The following GRIN2B variants were observed in gnomAD, a reference collection of about 807,000 sequenced individuals.
GRIN2B encodes the protein glutamate receptor ionotropic, NMDA 2B.
GRIN2B carries 5 observed loss-of-function variants against 114.5 expected under a neutral mutation model. The ratio of observed to expected loss-of-function variants is 0.04; its 90% CI spans 0.02 to 0.09. The LOEUF is 0.09. Among genes scored for constraint, GRIN2B ranks in the 10% least tolerant of loss-of-function variants. The pLI, the probability that GRIN2B is intolerant of heterozygous loss-of-function variation, is 1.00. For synonymous variants in GRIN2B, 787 were observed against 745.1 expected, an observed-to-expected ratio of 1.06 and a Z score of -0.92; for missense variants, 1,108 against 1,943.5, an observed-to-expected ratio of 0.57 and a Z score of 8.08.
At chr12:13,595,146 T>G (rs1949056398) in intron 10 of GRIN2B, among the ~76,000 whole-genome samples, 1 of 152,208 alleles carries the variant, frequency 6.6e-6, no homozygotes, top group African/African-American at 2.4e-5. Context: ...ACAACTGTGA[T>G]TACTGGAGAA....
intron 4 of GRIN2B, among the ~76,000 whole-genome samples, chr12:13,709,154 A>C (rs1341980703): frequency 6.6e-6 from 1 of 152,038 alleles, no homozygotes; most frequent in Non-Finnish European, 1.5e-5. Flanking sequence ...CTGAGAATAA[A>C]ATATCAACAG....
At chr12:13,704,596 C>T (rs536380001) in intron 4 of GRIN2B, among the ~76,000 whole-genome samples, 1 of 152,136 alleles carries the variant, frequency 6.6e-6, no homozygotes, top group East Asian at 1.9e-4. Context: ...TAATCTAGTG[C>T]CCCCCAAATC....
chr12:13,847,329 C>T (rs904582937), intron 3 of GRIN2B, among the ~76,000 whole-genome samples: 3 of 152,034 alleles, frequency 2.0e-5, no homozygotes, highest in Admixed American at 6.5e-5. Flanking sequence ...GAATCTCTGC[C>T]GTGGGATGGA....
At chr12:13,635,077 G>T (rs1949655899) in intron 5 of GRIN2B, among the ~76,000 whole-genome samples, 1 of 152,192 alleles carries the variant, frequency 6.6e-6, no homozygotes, top group South Asian at 2.1e-4. Context: ...TGCTGGCACT[G>T]CCCAGAGAGT....
At chr12:13,930,468 A>T (rs1248982535) in intron 2 of GRIN2B, among the ~76,000 whole-genome samples, 8 of 152,108 alleles carry the variant, frequency 5.3e-5, no homozygotes, top group Non-Finnish European at 1.0e-4. Flanking sequence ...ATCCAAATTC[A>T]CCCACGCAAC....
intron 2 of GRIN2B, among the ~76,000 whole-genome samples, chr12:13,899,149 T>G (rs1290709828): frequency 6.6e-6 from 1 of 152,158 alleles, no homozygotes; most frequent in Non-Finnish European, 1.5e-5. Flanking sequence ...AAATATATTA[T>G]GAAAGATTTG....
chr12:13,741,540 G>C (rs950666888), intron 4 of GRIN2B, among the ~76,000 whole-genome samples: 2 of 151,948 alleles, frequency 1.3e-5, no homozygotes, highest in African/African-American at 4.8e-5. Flanking sequence ...AGGGGGTTTG[G>C]GGTTTTTTGT....
chr12:13,740,410 G>C (rs74065265), intron 4 of GRIN2B, among the ~76,000 whole-genome samples: 2,364 of 152,130 alleles, frequency 0.016, 68 homozygotes, highest in African/African-American at 0.054. Context: ...GTCACTCAGT[G>C]AATTAAGAAT....
chr12:13,613,091 A>G (rs1015291930), intron 8 of GRIN2B, among the ~76,000 whole-genome samples: 1 of 152,216 alleles, frequency 6.6e-6, no homozygotes, highest in Non-Finnish European at 1.5e-5. Context: ...CAACTGTGAA[A>G]TGCAAAACCT....
At chr12:13,813,203 G>A (rs975063302) in intron 3 of GRIN2B, among the ~76,000 whole-genome samples, 13 of 152,018 alleles carry the variant, frequency 8.6e-5, no homozygotes, top group African/African-American at 3.1e-4. Context: ...CCAAAGTGCT[G>A]GGATTACAGG....
chr12:13,867,521 A>G (rs533201155), intron 2 of GRIN2B, among the ~76,000 whole-genome samples: 18 of 152,352 alleles, frequency 1.2e-4, no homozygotes, highest in African/African-American at 4.3e-4. Flanking sequence ...TCCATGTAAC[A>G]AAAGCACATA....
At chr12:13,657,450 T>G (rs1949877125) in intron 5 of GRIN2B, among the ~76,000 whole-genome samples, 1 of 152,186 alleles carries the variant, frequency 6.6e-6, no homozygotes, top group African/African-American at 2.4e-5. Flanking sequence ...AGGAGGGCAG[T>G]GCTTGCTTAG....
chr12:13,723,590 A>T (rs950855995), intron 4 of GRIN2B, among the ~76,000 whole-genome samples: 3 of 152,090 alleles, frequency 2.0e-5, no homozygotes, highest in Non-Finnish European at 2.9e-5. Context: ...GTTTCTCAAG[A>T]TGGGACTGTG....
At chr12:13,657,730 A>G (rs955173368) in intron 5 of GRIN2B, among the ~76,000 whole-genome samples, 1 of 152,224 alleles carries the variant, frequency 6.6e-6, no homozygotes, top group Non-Finnish European at 1.5e-5. Context: ...TAAATACATG[A>G]ATCTAAATAG....
intron 2 of GRIN2B, among the ~76,000 whole-genome samples, chr12:13,901,708 T>C (rs1478439060): frequency 1.3e-5 from 2 of 152,112 alleles, no homozygotes; most frequent in Non-Finnish European, 2.9e-5. Context: ...TTTGGTATAA[T>C]TTGACAAATA....
chr12:13,626,929 T>C (rs1242388156), intron 5 of GRIN2B, among the ~76,000 whole-genome samples: 1 of 149,968 alleles, frequency 6.7e-6, no homozygotes, highest in African/African-American at 2.5e-5. Flanking sequence ...TTATTCCACC[T>C]CCTGGTCTAC....
intron 5 of GRIN2B, among the ~76,000 whole-genome samples, chr12:13,662,719 G>A (rs980278681): frequency 6.6e-6 from 1 of 152,194 alleles, no homozygotes; most frequent in South Asian, 2.1e-4. Context: ...AATCGGCCTC[G>A]TGTCAGGGAA....
intron 2 of GRIN2B, among the ~76,000 whole-genome samples, chr12:13,925,511 T>C (rs929614734): frequency 1.3e-5 from 2 of 152,164 alleles, no homozygotes; most frequent in Non-Finnish European, 2.9e-5. Flanking sequence ...AACATGTTTA[T>C]GGCTCAGCAG....
chr12:13,606,985 CA>C (rs1477399793), intron 10 of GRIN2B, among the ~76,000 whole-genome samples: 3 of 148,864 alleles, frequency 2.0e-5, no homozygotes, highest in Non-Finnish European at 3.0e-5. Flanking sequence ...ACAGATAACA[CA>C]AAGGGGTAAA....
Sources: gnomAD v4.1 joint callset for allele counts (sites outside exome capture counted in the v4.1 genomes callset) on GRCh38, gnomAD v4.1.1 for gene constraint, MANE v1.5 for transcripts, NCBI Gene and HGNC (gene_info 2026-07-23, HGNC 2026-07-21) for gene names.